Variants in MALRD1 observed in about 807,000 individuals in gnomAD.
MALRD1 encodes the protein MAM and LDL receptor class A domain containing 1.
MALRD1 carries 247 observed loss-of-function variants against 242.1 expected under a neutral mutation model. The ratio of observed to expected loss-of-function variants is 1.02; its 90% CI spans 0.92 to 1.13. MALRD1 has a LOEUF of 1.13. Ranked by LOEUF, MALRD1 falls within the 50% of genes most tolerant of loss-of-function variation. MALRD1 has a pLI of 0.00. For synonymous variants in MALRD1, 995 were observed against 866.6 expected (o/e 1.15, Z -2.60); for missense variants, 2,989 against 2,533.1 (o/e 1.18, Z -3.86).
chr10:19,237,828 A>ATTATAATTATATATAATTATATAGTTAT (rs1588750657), intron 18 of MALRD1, among the ~76,000 whole-genome samples: 4 of 99,788 alleles, frequency 4.0e-5, no homozygotes, highest in Non-Finnish European at 5.6e-5. Flanking sequence ...TTTATATGTA[A>ATTATAATTATATATAATTATATAGTTAT]TTATAATTAT....
chr10:19,570,193 A>C (rs545163020), intron 33 of MALRD1, among the ~76,000 whole-genome samples: 20 of 152,104 alleles, frequency 1.3e-4, no homozygotes, highest in South Asian at 6.2e-4. Context: ...CTCTCCTCCA[A>C]AATCCAGAGT....
chr10:19,204,759 G>A, intron 16 of MALRD1, 139 bp from the exon 17 acceptor site: 1 of 926,226 alleles, frequency 1.1e-6, no homozygotes, highest in Non-Finnish European at 1.6e-6. Flanking sequence ...CAAATGGACA[G>A]CCACAGTTAT....
In MALRD1 at chr10:19,357,573, A is replaced by T. The variant is rs1209060393; in HGVS notation, c.4441+5276A>T. The stretch of plus-strand genomic sequence containing the variant: ...TTTTATATTACTTTATAACTATAAA[A>T]TCTTATTATTTATTGAAAACATCTC... On this transcript the variant is annotated intron_variant, in intron 26 of 39. Transcript: ENST00000454679. Among the ~76,000 whole-genome samples the T allele has an allele frequency of 3.3e-5, 5 of 152,140 alleles. No homozygotes were observed. In the East Asian group the frequency reaches 5.8e-4, roughly 18 times the overall value.
chr10:19,732,998 A>T (rs1269076595), intron 39 of MALRD1, among the ~76,000 whole-genome samples: 4 of 152,086 alleles, frequency 2.6e-5, no homozygotes, highest in East Asian at 3.9e-4. Flanking sequence ...ACATCTCCTG[A>T]CCTTTGTGGC....
At chr10:19,607,946 A>G (rs567759396) in intron 35 of MALRD1, 44 bp downstream of exon 35, 3 of 1,541,686 alleles carry the variant, frequency 1.9e-6, no homozygotes, top group South Asian at 1.2e-5. Flanking sequence ...TGAACCAGCA[A>G]CTTAACCTGC....
intron 28 of MALRD1, among the ~76,000 whole-genome samples, chr10:19,399,093 A>C (rs1846713823): frequency 6.6e-6 from 1 of 152,206 alleles, no homozygotes; most frequent in Non-Finnish European, 1.5e-5. Context: ...GAGAGAAGGA[A>C]GAGAATAAAA....
At chr10:19,245,194 C>T (rs1024986373) in intron 18 of MALRD1, among the ~76,000 whole-genome samples, 1 of 152,140 alleles carries the variant, frequency 6.6e-6, no homozygotes, top group Non-Finnish European at 1.5e-5. Flanking sequence ...ACTGAGAGTT[C>T]ACAATGAGAT....
chr10:19,521,438 G>T lies in MALRD1; in HGVS notation c.5321-9756G>T, dbSNP rs78020305. ...AACTTAGTCTAGATTCTCTTCTAAT[G>T]ATTATTGTTTTCGTTATAAATATAT... On this transcript the variant is annotated intron_variant, in intron 31 of 39. Coordinates refer to ENST00000454679, the MANE Select transcript of MALRD1 (RefSeq NM_001142308.3). Among the ~76,000 whole-genome samples the T allele has an allele frequency of 3.5e-3, 526 of 152,126 alleles. 7 individuals carry two copies. In the East Asian group the frequency reaches 0.05, roughly 14 times the overall value.
chr10:19,264,701 C>T (rs10827171), intron 19 of MALRD1, among the ~76,000 whole-genome samples: 15,012 of 152,166 alleles, frequency 0.099, 905 homozygotes, highest in African/African-American at 0.17. Context: ...TATCCGCCTG[C>T]CTCGGCCTCT....
intron 18 of MALRD1, among the ~76,000 whole-genome samples, chr10:19,234,626 T>G (rs1040091393): frequency 1.5e-5 from 1 of 66,756 alleles, no homozygotes; most frequent in African/African-American, 1.1e-4. Flanking sequence ...AAAGGGAGCT[T>G]ATCTTTAAAA....
chr10:19,455,475 G>C (rs1835597372), intron 29 of MALRD1, among the ~76,000 whole-genome samples: 1 of 152,136 alleles, frequency 6.6e-6, no homozygotes, highest in Non-Finnish European at 1.5e-5. Context: ...GCTATCTGCT[G>C]TATGATTTTA....
At chr10:19,349,880 T>C (rs1002271401) in intron 25 of MALRD1, among the ~76,000 whole-genome samples, 1 of 152,186 alleles carries the variant, frequency 6.6e-6, no homozygotes, top group African/African-American at 2.4e-5. Flanking sequence ...TAAGATTTCA[T>C]CCATTGCTAT....
chr10:19,209,518 C>T lies in MALRD1; in HGVS notation c.2829C>T (p.Phe943=), dbSNP rs917656379. 1.1e-5 allele frequency: 17 copies of T among 1,550,624 alleles called. No individual in the cohort carries two copies. Among genetic ancestry groups the T allele is most frequent in the Admixed American group, 2.0e-5 (1 of 50,958 alleles). The part of the protein sequence containing the change: ...LNATDTKGCT[F]RFYYHMFGKR... Reference sequence around the variant, plus strand: ...CCACTGATACAAAAGGCTGCACCTTCCGCTTCTATTACCACATGTTTGGAA... The same window carrying T: ...CCACTGATACAAAAGGCTGCACCTTTCGCTTCTATTACCACATGTTTGGAA... The change falls in exon 18 of 40, where the codon TTC becomes TTT. Residue 943 remains phenylalanine, a synonymous_variant. Coordinates refer to ENST00000454679, the MANE Select transcript of MALRD1 (RefSeq NM_001142308.3).
Position 19,087,821 on chromosome 10 carries a change from T to A in MALRD1, c.341-19T>A, listed in dbSNP as rs904969911. 5.9e-6 allele frequency: 7 copies of A among 1,186,998 alleles called. No homozygotes were observed. In the African/African-American group the frequency reaches 1.1e-4, roughly 19 times the overall value. 73.5% of individuals were successfully genotyped at this position (1,186,998 alleles called of 1,614,324 possible). ...TTCTTTCTGGTTTTTTTTTGTACCC[T>A]GTCTCTTCTTTCTGATAGCTCACTT... On this transcript the variant is annotated intron_variant, in intron 2 of 39. Transcript: ENST00000454679.
At chr10:19,061,487 A>AAAT (rs1834820968) in intron 1 of MALRD1, among the ~76,000 whole-genome samples, 1 of 152,138 alleles carries the variant, frequency 6.6e-6, no homozygotes, top group Non-Finnish European at 1.5e-5. Context: ...ATAAATAAAT[A>AAAT]AATAAATACC....
At chr10:19,302,081 G>T (rs1841975606) in intron 21 of MALRD1, among the ~76,000 whole-genome samples, 1 of 151,770 alleles carries the variant, frequency 6.6e-6, no homozygotes, top group Non-Finnish European at 1.5e-5. Context: ...CATCCACTAG[G>T]ATGGCAATAA....
intron 36 of MALRD1, among the ~76,000 whole-genome samples, chr10:19,616,331 A>T (rs1839155201): frequency 6.6e-6 from 1 of 152,014 alleles, no homozygotes; most frequent in Non-Finnish European, 1.5e-5. Context: ...AAATTAATTT[A>T]TAAATAAAAT....
At position 19,205,177 on chromosome 10, in the gene MALRD1, G is replaced by A. The variant is rs1488727201; in HGVS notation, c.2490G>A (p.Trp830Ter). Reference sequence around the variant, plus strand: ...GCTGTGAAGGGCTGGATCATTTCTGGTGTCGCCACACCAGGGCTTGCATAG... The same window carrying A: ...GCTGTGAAGGGCTGGATCATTTCTGATGTCGCCACACCAGGGCTTGCATAG... ...AESCEGLDHF[W>*]CRHTRACIEK... Residue 830 changes from tryptophan (W) to a stop codon, truncating the protein, a stop_gained, in exon 17 of 40, where the codon TGG (tryptophan) becomes TGA (stop). Transcript: ENST00000454679. LOFTEE classifies it high-confidence loss of function. 3 of 1,550,912 alleles carry A rather than the reference G, an allele frequency of 1.9e-6. No homozygotes were observed. Among genetic ancestry groups the A allele is most frequent in the Non-Finnish European group, 2.6e-6 (3 of 1,147,056 alleles).
intron 18 of MALRD1, among the ~76,000 whole-genome samples, chr10:19,229,418 C>T (rs892946721): frequency 2.0e-5 from 3 of 152,022 alleles, no homozygotes; most frequent in Non-Finnish European, 2.9e-5. Context: ...AGTTCCATTT[C>T]GTTAATTTAG....
Sources: allele counts gnomAD v4.1 joint callset (sites outside exome capture counted in the v4.1 genomes callset), GRCh38; gene constraint gnomAD v4.1.1; transcripts MANE v1.5; gene names NCBI Gene and HGNC (gene_info 2026-07-23, HGNC 2026-07-21).